Variants in CLN6 observed in about 807,000 individuals in gnomAD.
CLN6 encodes CLN6 transmembrane ER protein.
A neutral mutation model predicts 33.3 loss-of-function variants in CLN6; 22 were observed. The ratio of observed to expected loss-of-function variants is 0.66; its 90% CI spans 0.47 to 0.94. CLN6 has a LOEUF of 0.94. CLN6 is among the 40% of genes least tolerant of loss of function. The pLI, the probability that CLN6 is intolerant of heterozygous loss-of-function variation, is 0.00. For missense variants in CLN6, 387 were observed against 417.1 expected (o/e 0.93, Z 0.63); for synonymous variants, 201 against 174.6 (o/e 1.15, Z -1.19).
At chr15:68,223,686 G>A (rs2093244064) in intron 1 of CLN6, among the ~76,000 whole-genome samples, 1 of 151,778 alleles carries the variant, frequency 6.6e-6, no homozygotes, top group African/African-American at 2.4e-5. Flanking sequence ...TCCACCTCAG[G>A]AAGCACCTTG....
intron 1 of CLN6, among the ~76,000 whole-genome samples, chr15:68,239,625 T>G (rs1008000611): frequency 6.6e-6 from 1 of 152,174 alleles, no homozygotes; most frequent in Non-Finnish European, 1.5e-5. Flanking sequence ...TAAAAATTTA[T>G]AGAATTATGA....
chr15:68,244,951 C>T (rs1228776345), intron 1 of CLN6, among the ~76,000 whole-genome samples: 4 of 145,598 alleles, frequency 2.7e-5, no homozygotes, highest in East Asian at 2.0e-4. Flanking sequence ...CTACTTGGGA[C>T]GCTGAGGCAG....
chr15:68,209,755 T>A lies in CLN6; in HGVS notation c.547A>T (p.Ile183Phe). The change falls in exon 6 of 7, where the codon ATC (isoleucine) becomes TTC (phenylalanine). Residue 183 changes from isoleucine to phenylalanine, a missense_variant. Physicochemically the swap from Ile to Phe is conservative, Grantham distance 21. Transcript: ENST00000249806. This position sits in a 1 kb window ranked among gnomAD's most constrained non-coding sequence, Gnocchi z 4.9. Reference sequence around the variant, plus strand: ...ATGAAGAGGATGAGGAAGAAGGGGATGTACCTGTGACAGGAAGGCCAGTGT... The same window carrying A: ...ATGAAGAGGATGAGGAAGAAGGGGAAGTACCTGTGACAGGAAGGCCAGTGT... ...DEYLGHCMWY[I>F]PFFLILFMYF... 1 of 1,613,290 alleles carries A rather than the reference T, an allele frequency of 6.2e-7. No individual in the cohort carries two copies. The highest frequency in any genetic ancestry group is 8.5e-7 in the Non-Finnish European group (1 of 1,179,746).
intron 1 of CLN6, among the ~76,000 whole-genome samples, chr15:68,240,108 TAATTCA>T (rs1469635344): frequency 5.5e-4 from 84 of 152,246 alleles, no homozygotes; most frequent in African/African-American, 1.9e-3. Context: ...GGAAAAATAG[TAATTCA>T]GGGAAATTTA....
intron 2 of CLN6, chr15:68,218,271 G>T (rs1457541510): frequency 5.0e-6 from 2 of 399,648 alleles, no homozygotes; most frequent in African/African-American, 2.1e-5. Context: ...GCCAGAGGGG[G>T]TTACAGTATT....
rs889252990 is a variant in CLN6 at position 68,210,175 on chromosome 15, G to A, written c.543-416C>T. ...GAACAGCACCTGCAGGGGCCTCTTG[G>A]TGAAGCACTGCACCCACTCTCAGCA... On this transcript the variant is annotated intron_variant, in intron 5 of 6. Transcript: ENST00000249806. This position sits in a 1 kb window ranked among gnomAD's most constrained non-coding sequence, Gnocchi z 5.6. 5.3e-5 allele frequency among the ~76,000 whole-genome samples: 8 copies of A among 152,080 alleles called. No homozygotes were observed. The highest frequency in any genetic ancestry group is 1.9e-4 in the African/African-American group (8 of 41,406).
In CLN6 at chr15:68,208,225, G is replaced by A. The variant is rs2093193606; in HGVS notation, c.851C>T (p.Pro284Leu). The A allele has an allele frequency of 6.2e-7, 1 of 1,613,792 alleles. No homozygotes were observed. Among genetic ancestry groups the A allele is most frequent in the African/African-American group, 1.3e-5 (1 of 74,852 alleles). ...ACCCGGGTACTTCTTCCTGAGAACAGGGTCATTCCACAGCCAGGCGACCCA... is the reference window on the plus strand; with the variant it reads ...ACCCGGGTACTTCTTCCTGAGAACAAGGTCATTCCACAGCCAGGCGACCCA... ...ALWVAWLWND[P>L]VLRKKYPGVI... The change falls in exon 7 of 7, where the codon CCT (proline) becomes CTT (leucine). Residue 284 changes from proline (P) to leucine (L), a missense_variant. By Grantham distance (98) the Pro-to-Leu change is moderately conservative. Coordinates refer to ENST00000249806, the MANE Select transcript of CLN6 (RefSeq NM_017882.3). This position sits in a 1 kb window ranked among gnomAD's most constrained non-coding sequence, Gnocchi z 5.8.
chr15:68,214,533 C>T, intron 2 of CLN6, 145 bp from the exon 3 acceptor site: 2 of 672,788 alleles, frequency 3.0e-6, no homozygotes, highest in South Asian at 3.1e-5. Flanking sequence ...CCTGTGATCG[C>T]TGGACCTTCT....
rs953396505 is a variant in CLN6, at chr15:68,220,710, A to G, written c.84-2060T>C. ...ATGAGCCAACACATTCCTTTTTGCTAAGGATGGTGCAGTTCACACTGGCTT... is the reference window on the plus strand; with the variant it reads ...ATGAGCCAACACATTCCTTTTTGCTGAGGATGGTGCAGTTCACACTGGCTT... On this transcript the variant is annotated intron_variant, in intron 1 of 6. Transcript: ENST00000249806. The surrounding 1 kb of genome is among the most constrained non-coding windows in gnomAD (Gnocchi z 4.2). Among the ~76,000 whole-genome samples, 2 of 152,238 alleles carry G rather than the reference A, an allele frequency of 1.3e-5. No homozygotes were observed. The highest frequency in any genetic ancestry group is 2.9e-5 in the Non-Finnish European group (2 of 68,040).
chr15:68,227,551 G>A lies in CLN6; in HGVS notation c.83+1951C>T, dbSNP rs1218147780. Among the ~76,000 whole-genome samples, 1 of 152,122 alleles carries A rather than the reference G, an allele frequency of 6.6e-6. No homozygotes were observed. The highest frequency in any genetic ancestry group is 1.5e-5 in the Non-Finnish European group (1 of 67,998). On this transcript the variant is annotated intron_variant, in intron 1 of 6. Coordinates refer to ENST00000249806, the MANE Select transcript of CLN6 (RefSeq NM_017882.3). The surrounding 1 kb of genome is among the most constrained non-coding windows in gnomAD (Gnocchi z 4.1). The stretch of plus-strand genomic sequence containing the variant: ...ACATTGTGGGGGGCAGAGACACCCT[G>A]GGAGACAGAGAGCTCCCACCCTCAC...
upstream of CLN6, chr15:68,229,766 GA>G: frequency 2.7e-6 from 1 of 373,584 alleles, no homozygotes; most frequent in African/African-American, 2.5e-5. Flanking sequence ...GAGCGGAGCG[GA>G]GCGGAGCGGA....
intron 1 of CLN6, among the ~76,000 whole-genome samples, chr15:68,243,754 CAAA>C (rs56110025): frequency 2.3e-5 from 2 of 86,920 alleles, no homozygotes; most frequent in Admixed American, 1.4e-4. Context: ...GACTCTATCT[CAAA>C]AAAAAAAAAA....
At chr15:68,252,590 G>C (rs1039030707) in intron 1 of CLN6, among the ~76,000 whole-genome samples, 1 of 152,148 alleles carries the variant, frequency 6.6e-6, no homozygotes, top group Non-Finnish European at 1.5e-5. Context: ...AATTGAACTG[G>C]ATATATTGCA....
intron 1 of CLN6, among the ~76,000 whole-genome samples, chr15:68,224,541 G>C (rs758533234): frequency 2.1e-5 from 3 of 145,056 alleles, no homozygotes; most frequent in Non-Finnish European, 1.5e-5. Context: ...AGAATTGCTT[G>C]AACCTCACAG....
chr15:68,243,663 G>T (rs1892297987), intron 1 of CLN6, among the ~76,000 whole-genome samples: 1 of 151,470 alleles, frequency 6.6e-6, no homozygotes, highest in Non-Finnish European at 1.5e-5. Flanking sequence ...GCTGAGGCAG[G>T]AGTATCGCTT....
At chr15:68,232,598 C>T (rs1420941074), upstream of CLN6, among the ~76,000 whole-genome samples, 1 of 152,212 alleles carries the variant, frequency 6.6e-6, no homozygotes, top group African/African-American at 2.4e-5. This position sits in a 1 kb window ranked among gnomAD's most constrained non-coding sequence, Gnocchi z 4.7. Flanking sequence ...TCCCCTTGGC[C>T]CCACACCCTT....
intron 1 of CLN6, among the ~76,000 whole-genome samples, chr15:68,226,528 G>A (rs1016743217): frequency 2.0e-5 from 3 of 151,704 alleles, no homozygotes; most frequent in Admixed American, 6.6e-5. Flanking sequence ...GTATAATGGC[G>A]CGATCTTGGC....
chr15:68,247,285 G>A lies in CLN6; in HGVS notation c.179+9405C>T, dbSNP rs530041347. 8.5e-5 allele frequency among the ~76,000 whole-genome samples: 13 copies of A among 152,132 alleles called. No individual in the cohort carries two copies. Among genetic ancestry groups the A allele is most frequent in the Non-Finnish European group, 1.6e-4 (11 of 68,028 alleles). On this transcript the variant is annotated intron_variant, in intron 1 of 6. Coordinates refer to the CLN6 transcript ENST00000538696. This position sits in a 1 kb window ranked among gnomAD's most constrained non-coding sequence, Gnocchi z 4.2. ...AACCTAAAGACTCCACCAAAAAACT[G>A]TTAGAACTGATAAACAAATGCAGTA...
rs1376755290 is a variant in CLN6 at position 68,211,461 on chromosome 15, C to A, written c.487-143G>T. The A allele has an allele frequency of 2.8e-5, 43 of 1,533,692 alleles. No individual in the cohort carries two copies. Among genetic ancestry groups the A allele is most frequent in the Non-Finnish European group, 3.7e-5 (41 of 1,122,564 alleles). ...CCTTATTCCCTACCCGGGGCCTCGC[C>A]TTCTGTTACAGGGGCCCAGGTGGGA... On this transcript the variant is annotated intron_variant, in intron 4 of 6. Transcript: ENST00000249806. This position sits in a 1 kb window ranked among gnomAD's most constrained non-coding sequence, Gnocchi z 5.9.
Sources: allele counts gnomAD v4.1 joint callset (sites outside exome capture counted in the v4.1 genomes callset), GRCh38; gene constraint gnomAD v4.1.1; non-coding constraint Gnocchi (gnomAD v3.1); transcripts MANE v1.5; gene names NCBI Gene and HGNC (gene_info 2026-07-23, HGNC 2026-07-21).